The following ACER3 variants were observed in gnomAD, a reference collection of about 807,000 sequenced individuals.
ACER3 encodes alkaline ceramidase 3, also known as alkCDase 3.
ACER3 carries 16 observed loss-of-function variants against 48.9 expected under a neutral mutation model. The observed-to-expected ratio is 0.33, with a 90% CI of 0.22 to 0.50. The LOEUF is 0.50. Among genes scored for constraint, ACER3 ranks in the 20% least tolerant of loss-of-function variants. The pLI, the probability that ACER3 is intolerant of heterozygous loss-of-function variation, is 0.98. For missense variants in ACER3, 227 were observed against 326.0 expected (o/e 0.70, Z 2.34); for synonymous variants, 109 against 107.8 (o/e 1.01, Z -0.07).
intron 1 of ACER3, among the ~76,000 whole-genome samples, chr11:76,883,410 G>A (rs759806941): frequency 2.1e-5 from 3 of 145,058 alleles, no homozygotes; most frequent in Non-Finnish European, 4.6e-5. Context: ...TGTCATTTTG[G>A]CGTTGCTTCT....
chr11:76,915,180 AG>A (rs770766472), intron 1 of ACER3, among the ~76,000 whole-genome samples: 4,877 of 152,124 alleles, frequency 0.032, 95 homozygotes, highest in South Asian at 0.064. Context: ...TAGGACTTAA[AG>A]TATAATTTAA....
At chr11:76,877,922 C>T (rs1945426847) in intron 1 of ACER3, among the ~76,000 whole-genome samples, 1 of 114,786 alleles carries the variant, frequency 8.7e-6, no homozygotes, top group African/African-American at 2.6e-5. Flanking sequence ...CATTCTTCCA[C>T]AGCTTGCTTT....
intron 1 of ACER3, among the ~76,000 whole-genome samples, chr11:76,889,961 A>G (rs1945766474): frequency 6.6e-6 from 1 of 152,160 alleles, no homozygotes; most frequent in Non-Finnish European, 1.5e-5. Flanking sequence ...TTCGTATTCA[A>G]TAATTTCAGT....
intron 2 of ACER3, among the ~76,000 whole-genome samples, chr11:76,928,245 T>G (rs1279627122): frequency 6.6e-6 from 1 of 152,250 alleles, no homozygotes; most frequent in African/African-American, 2.4e-5. Context: ...GTTTTTGGGC[T>G]GCATAAATGT....
intron 1 of ACER3, among the ~76,000 whole-genome samples, chr11:76,892,408 A>G (rs1945828319): frequency 1.3e-5 from 2 of 152,194 alleles, no homozygotes; most frequent in Admixed American, 6.5e-5. Context: ...GCTTAATAGG[A>G]AAGACCATGC....
intron 1 of ACER3, among the ~76,000 whole-genome samples, chr11:76,905,221 T>C (rs1320048747): frequency 6.6e-6 from 1 of 152,190 alleles, no homozygotes; most frequent in Admixed American, 6.5e-5. Flanking sequence ...GAATAAAGTA[T>C]GATTTAGAAG....
intron 3 of ACER3, among the ~76,000 whole-genome samples, chr11:76,974,203 T>C (rs1036285287): frequency 6.6e-6 from 1 of 152,210 alleles, no homozygotes; most frequent in Non-Finnish European, 1.5e-5. Context: ...TGTGGGTCCA[T>C]TTTCATATGA....
At chr11:76,994,222 C>G (rs1408001752) in intron 6 of ACER3, 2 of 453,842 alleles carry the variant, frequency 4.4e-6, no homozygotes, top group South Asian at 1.6e-5. Flanking sequence ...ACCTCCACCT[C>G]CCAGGTTCGT....
intron 7 of ACER3, among the ~76,000 whole-genome samples, chr11:77,005,093 A>G (rs12287934): frequency 0.022 from 3,107 of 143,626 alleles, 113 homozygotes; most frequent in African/African-American, 0.077. Flanking sequence ...GCTGGAGAGC[A>G]GTGGCGCGAT....
chr11:76,976,293 TGGA>T lies in ACER3; in HGVS notation c.273_275del (p.Leu91_Asp92delinsPhe). 6.2e-7 allele frequency: 1 copy of T among 1,605,548 alleles called. No homozygotes were observed. Among genetic ancestry groups the T allele is most frequent in the African/African-American group, 1.3e-5 (1 of 74,798 alleles). On this transcript the variant is annotated inframe_deletion, in exon 4 of 11. Coordinates refer to ENST00000532485, the MANE Select transcript of ACER3 (RefSeq NM_018367.7). ...ATCTATCTTTGTTTCTTACAGCTAT[TGGA>T]TGAACTCCCAATGATATACAGCTGT... is the stretch of plus-strand genomic sequence containing the variant.
intron 7 of ACER3, among the ~76,000 whole-genome samples, chr11:76,999,605 C>T (rs1325701884): frequency 1.3e-5 from 2 of 152,182 alleles, no homozygotes; most frequent in African/African-American, 4.8e-5. Flanking sequence ...ATAACCAGAC[C>T]TACTTCCCTC....
At chr11:76,934,507 GAAACCCCGTCT>G (rs1023116684) in intron 2 of ACER3, among the ~76,000 whole-genome samples, 2 of 152,256 alleles carry the variant, frequency 1.3e-5, no homozygotes, top group African/African-American at 4.8e-5. Flanking sequence ...CCAACGCAGC[GAAACCCCGTCT>G]CCACCAAAAA....
intron 2 of ACER3, among the ~76,000 whole-genome samples, chr11:76,951,148 A>G (rs1036166349): frequency 3.9e-5 from 6 of 152,326 alleles, no homozygotes; most frequent in African/African-American, 1.4e-4. Flanking sequence ...TCCTATCAAA[A>G]ACAATTTTAT....
chr11:76,930,570 T>A (rs965141497), intron 2 of ACER3, among the ~76,000 whole-genome samples: 10 of 152,100 alleles, frequency 6.6e-5, no homozygotes, highest in African/African-American at 2.4e-4. Context: ...GGTGTCAGTT[T>A]TAGATCTTTC....
chr11:76,963,642 G>C (rs1444548448), intron 3 of ACER3, among the ~76,000 whole-genome samples: 1 of 151,272 alleles, frequency 6.6e-6, no homozygotes. Flanking sequence ...TGTTTTTCAG[G>C]ATCTTACCAG....
chr11:76,983,379 C>T (rs1486572828), intron 4 of ACER3, among the ~76,000 whole-genome samples: 6 of 152,078 alleles, frequency 3.9e-5, no homozygotes, highest in East Asian at 1.9e-4. Flanking sequence ...GGCATTGGCA[C>T]GATCTTGGCT....
Position 76,919,884 on chromosome 11 carries a change from T to C in ACER3, c.104-6673T>C, listed in dbSNP as rs1360123849. Among the ~76,000 whole-genome samples, 6 of 152,234 alleles carry C rather than the reference T, an allele frequency of 3.9e-5. No individual in the cohort carries two copies. In the East Asian group the frequency reaches 1.2e-3, roughly 29 times the overall value. ...CACCAACTATAGTTTTACCAAGTCA[T>C]GATTGATGAAAACATAGTTTTATAA... On this transcript the variant is annotated intron_variant, in intron 1 of 10. Coordinates refer to ENST00000532485, the MANE Select transcript of ACER3 (RefSeq NM_018367.7).
chr11:76,885,120 T>C (rs1230566204), intron 1 of ACER3, among the ~76,000 whole-genome samples: 1 of 152,126 alleles, frequency 6.6e-6, no homozygotes, highest in African/African-American at 2.4e-5. Flanking sequence ...TGGTTTGAAG[T>C]ATTTATTATC....
At chr11:76,914,947 A>G (rs929002361) in intron 1 of ACER3, among the ~76,000 whole-genome samples, 1 of 152,150 alleles carries the variant, frequency 6.6e-6, no homozygotes, top group Non-Finnish European at 1.5e-5. Flanking sequence ...TATCACAAAG[A>G]CAAAAAACCA....
Sources: allele counts gnomAD v4.1 joint callset (sites outside exome capture counted in the v4.1 genomes callset), GRCh38; gene constraint gnomAD v4.1.1; transcripts MANE v1.5; gene names NCBI Gene and HGNC (gene_info 2026-07-23, HGNC 2026-07-21).